Variants in ANTXR1 observed in about 807,000 individuals in gnomAD.
The protein encoded by ANTXR1 is ANTXR cell adhesion molecule 1.
Under a neutral mutation model 78.1 loss-of-function variants are expected in ANTXR1, and 19 were observed. The ratio of observed to expected loss-of-function variants is 0.24; its 90% CI spans 0.17 to 0.36. The LOEUF (loss-of-function observed/expected upper bound fraction) is 0.36, where lower values mean the gene tolerates loss of function less well. Among genes scored for constraint, ANTXR1 ranks in the 10% least tolerant of loss-of-function variants. The probability of loss-of-function intolerance (pLI) is 1.00; values close to 1 mark genes in which losing one functional copy is unlikely to be tolerated. For synonymous variants in ANTXR1, 273 were observed against 260.5 expected, an observed-to-expected ratio of 1.05 and a Z score of -0.46; for missense variants, 518 against 718.6, an observed-to-expected ratio of 0.72 and a Z score of 3.19.
rs147390643 is a variant in ANTXR1 at position 69,237,273 on chromosome 2, G to A, written c.1435-7952G>A. On this transcript the variant is annotated intron_variant, in intron 17 of 17. Transcript: ENST00000303714. ...TCAGCAAAATGAATCAATTAAAAGAGTTGACCTTGGATCCCTTTCCATGAA... is the reference window on the plus strand; with the variant it reads ...TCAGCAAAATGAATCAATTAAAAGAATTGACCTTGGATCCCTTTCCATGAA... Among the ~76,000 whole-genome samples the A allele has an allele frequency of 9.1e-3, 1,389 of 152,336 alleles. 15 individuals carry two copies. Among genetic ancestry groups the A allele is most frequent in the Non-Finnish European group, 0.014 (979 of 68,028 alleles).
chr2:69,072,985 C>T (rs1380818545), intron 5 of ANTXR1, 37 bp from the exon 6 acceptor site: 1 of 1,594,336 alleles, frequency 6.3e-7, no homozygotes, highest in Non-Finnish European at 8.6e-7. Context: ...TTGGGTGGAG[C>T]AGGGTGGACT....
intron 17 of ANTXR1, among the ~76,000 whole-genome samples, chr2:69,207,146 C>CAA (rs10711284): frequency 6.6e-6 from 1 of 150,540 alleles, no homozygotes; most frequent in African/African-American, 2.4e-5. Context: ...AATTTCTGTC[C>CAA]AAAAAAAAAG....
At chr2:69,223,714 T>A (rs1675377523) in intron 17 of ANTXR1, among the ~76,000 whole-genome samples, 1 of 152,232 alleles carries the variant, frequency 6.6e-6, no homozygotes, top group Admixed American at 6.5e-5. Flanking sequence ...TTTTAATATC[T>A]TCATTGTGTG....
At chr2:69,143,162 A>G (rs1380317464) in intron 12 of ANTXR1, among the ~76,000 whole-genome samples, 1 of 152,212 alleles carries the variant, frequency 6.6e-6, no homozygotes, top group Non-Finnish European at 1.5e-5. Context: ...CCTGGCAGTA[A>G]TACTGGTGGT....
At chr2:69,231,471 A>G (rs1001702479) in intron 17 of ANTXR1, among the ~76,000 whole-genome samples, 1 of 152,206 alleles carries the variant, frequency 6.6e-6, no homozygotes, top group African/African-American at 2.4e-5. Context: ...CTCAGCTTCC[A>G]CACACCATGA....
chr2:69,048,243 G>C (rs530653847), intron 3 of ANTXR1, among the ~76,000 whole-genome samples: 1 of 152,030 alleles, frequency 6.6e-6, no homozygotes, highest in Non-Finnish European at 1.5e-5. Flanking sequence ...TTAATCAAAT[G>C]CAATTTTGCC....
intron 10 of ANTXR1, 137 bp from the exon 11 acceptor site, chr2:69,122,880 G>A: frequency 2.3e-6 from 2 of 878,926 alleles, no homozygotes; most frequent in Non-Finnish European, 3.8e-6. Flanking sequence ...TTGCTGTACA[G>A]CTTAAGTTTT....
intron 17 of ANTXR1, among the ~76,000 whole-genome samples, chr2:69,239,295 G>A (rs557298590): frequency 2.0e-5 from 3 of 152,216 alleles, no homozygotes; most frequent in Admixed American, 6.5e-5. Context: ...GAGGCCAGGT[G>A]CGGTGGCTCA....
chr2:69,225,559 G>C (rs1438628713), intron 17 of ANTXR1, among the ~76,000 whole-genome samples: 1 of 152,178 alleles, frequency 6.6e-6, no homozygotes, highest in African/African-American at 2.4e-5. Context: ...GGTGCAGAGA[G>C]TAGGAAGAAG....
chr2:69,073,203 C>A (rs2104216725), intron 6 of ANTXR1, 102 bp downstream of exon 6: 1 of 976,586 alleles, frequency 1.0e-6, no homozygotes, highest in East Asian at 2.4e-5. Flanking sequence ...GTGTTCTTTG[C>A]AAATCCCCTG....
chr2:69,088,152 C>G (rs1007125250), intron 8 of ANTXR1, among the ~76,000 whole-genome samples: 1 of 152,150 alleles, frequency 6.6e-6, no homozygotes, highest in Non-Finnish European at 1.5e-5. Context: ...GAGAATAATA[C>G]AGCATGTGTT....
intron 17 of ANTXR1, among the ~76,000 whole-genome samples, chr2:69,228,036 A>G (rs1675501269): frequency 1.3e-5 from 2 of 152,370 alleles, no homozygotes; most frequent in South Asian, 2.1e-4. Context: ...AGAGACAGTT[A>G]TCAATCTCTG....
rs752339731 is a variant in ANTXR1 at position 69,124,609 on chromosome 2, T to C, written c.917T>C (p.Ile306Thr). 1 of 1,614,232 alleles carries C rather than the reference T, an allele frequency of 6.2e-7. No individual in the cohort carries two copies. The highest frequency in any genetic ancestry group is 2.2e-5 in the East Asian group (1 of 44,886). The change falls in exon 12 of 18, where the codon ATC becomes ACC. Residue 306 changes from isoleucine to threonine, a missense_variant. This residue lies in a region of ANTXR1 where 264 missense variants were observed against 391.8 expected (regional missense o/e 0.67). Coordinates refer to ENST00000303714, the MANE Select transcript of ANTXR1 (RefSeq NM_032208.3). ...AGCATGAACGATGGCCTCTCTTTTA[T>C]CTCCAGTTCTGTCATCATCACCACC... ...QVSMNDGLSF[I>T]SSSVIITTTH...
chr2:69,076,477 C>T (rs754251738), intron 7 of ANTXR1, among the ~76,000 whole-genome samples: 3 of 152,166 alleles, frequency 2.0e-5, no homozygotes, highest in Admixed American at 6.5e-5. Context: ...TGTAGTTCAT[C>T]GTTTCTTTTT....
At chr2:69,200,485 C>A (rs927229861) in intron 17 of ANTXR1, among the ~76,000 whole-genome samples, 2 of 152,238 alleles carry the variant, frequency 1.3e-5, no homozygotes, top group Non-Finnish European at 2.9e-5. Context: ...AGCAGATAAG[C>A]CTCCTGTAGC....
chr2:69,025,078 G>A (rs1671302529), intron 1 of ANTXR1, among the ~76,000 whole-genome samples: 1 of 152,016 alleles, frequency 6.6e-6, no homozygotes, highest in African/African-American at 2.4e-5. Context: ...GTACTGCATA[G>A]TTCCCCAAAC....
chr2:69,115,842 G>A (rs1251476640), intron 10 of ANTXR1, among the ~76,000 whole-genome samples: 1 of 152,184 alleles, frequency 6.6e-6, no homozygotes, highest in Non-Finnish European at 1.5e-5. Context: ...GTGAGCGAGG[G>A]TATGGGCCAT....
intron 17 of ANTXR1, among the ~76,000 whole-genome samples, chr2:69,217,561 GA>G (rs1420817615): frequency 1.3e-5 from 2 of 152,196 alleles, no homozygotes; most frequent in Non-Finnish European, 2.9e-5. Flanking sequence ...GAGCCCATGG[GA>G]GCTCATGGTT....
chr2:69,212,373 A>T (rs1675063619), intron 17 of ANTXR1, among the ~76,000 whole-genome samples: 1 of 152,140 alleles, frequency 6.6e-6, no homozygotes, highest in Admixed American at 6.5e-5. Context: ...AGTGGAAAAG[A>T]AGATCCATGA....
Sources: gnomAD v4.1 joint callset for allele counts (sites outside exome capture counted in the v4.1 genomes callset) on GRCh38, gnomAD v4.1.1 for gene constraint, gnomAD v4.1.1 regional missense constraint, MANE v1.5 for transcripts, NCBI Gene and HGNC (gene_info 2026-07-23, HGNC 2026-07-21) for gene names.